The following SAP30BP variants were observed in gnomAD, a reference collection of about 807,000 sequenced individuals.
The protein encoded by SAP30BP is SAP30 binding protein.
SAP30BP carries 31 observed loss-of-function variants against 46.3 expected under a neutral mutation model. That is an observed-to-expected ratio of 0.67 (90% confidence interval 0.50 to 0.90). SAP30BP has a LOEUF of 0.90. Among genes scored for constraint, SAP30BP ranks in the 40% least tolerant of loss-of-function variants. SAP30BP has a pLI of 0.00. For synonymous variants in SAP30BP, 169 were observed against 144.2 expected, an observed-to-expected ratio of 1.17 and a Z score of -1.23; for missense variants, 312 against 391.0, an observed-to-expected ratio of 0.80 and a Z score of 1.70.
chr17:75,677,431 G>GA (rs2060008054), intron 3 of SAP30BP, among the ~76,000 whole-genome samples: 1 of 114,164 alleles, frequency 8.8e-6, no homozygotes, highest in Non-Finnish European at 1.9e-5. Context: ...AGTGAAACTG[G>GA]CTTTTTTTTT....
At chr17:75,696,752 G>A (rs1013678658) in intron 4 of SAP30BP, among the ~76,000 whole-genome samples, 4 of 145,954 alleles carry the variant, frequency 2.7e-5, no homozygotes, top group African/African-American at 7.4e-5. Context: ...GGACTGAGGA[G>A]GGGCTCCCCT....
intron 3 of SAP30BP, chr17:75,692,280 C>T: frequency 2.0e-6 from 2 of 985,524 alleles, no homozygotes; most frequent in South Asian, 4.7e-5. Context: ...GGAGCCGTGG[C>T]GTGGTGTGCC....
chr17:75,669,458 G>A (rs1054979497), intron 2 of SAP30BP, among the ~76,000 whole-genome samples: 1 of 151,964 alleles, frequency 6.6e-6, no homozygotes, highest in African/African-American at 2.4e-5. Flanking sequence ...GGCCATTCTG[G>A]TCTCTAACTC....
intron 9 of SAP30BP, chr17:75,705,150 C>T (rs533239335): frequency 2.1e-5 from 7 of 326,454 alleles, no homozygotes; most frequent in East Asian, 1.5e-4. Context: ...GAGTGCCAGG[C>T]CCAGCTTGCG....
At chr17:75,693,138 C>T (rs2060264311) in intron 3 of SAP30BP, 2 of 350,240 alleles carry the variant, frequency 5.7e-6, no homozygotes, top group South Asian at 6.8e-5. Context: ...TATACGTTGC[C>T]CAGTTGGCTG....
intron 6 of SAP30BP, 148 bp downstream of exon 6, chr17:75,702,719 G>A (rs942069048): frequency 2.2e-5 from 11 of 503,288 alleles, no homozygotes; most frequent in Admixed American, 6.7e-5. Flanking sequence ...TGGACATGGC[G>A]GACTGTGCTA....
chr17:75,669,709 A>C (rs2059881003), intron 2 of SAP30BP, among the ~76,000 whole-genome samples: 2 of 152,108 alleles, frequency 1.3e-5, no homozygotes, highest in Non-Finnish European at 2.9e-5. Context: ...TTCTTTCTTG[A>C]CATTTTATTT....
intron 6 of SAP30BP, chr17:75,702,968 G>A (rs1424238425): frequency 2.2e-5 from 8 of 371,602 alleles, no homozygotes; most frequent in East Asian, 4.6e-5. Flanking sequence ...TAGGACCAGA[G>A]CGATGTCTGG....
chr17:75,689,993 A>C (rs2060218447), intron 3 of SAP30BP, among the ~76,000 whole-genome samples: 6 of 152,186 alleles, frequency 3.9e-5, no homozygotes, highest in Admixed American at 3.3e-4. Context: ...AGGAATGAAA[A>C]ATTACCTACC....
At chr17:75,693,519 C>G (rs2060270267) in intron 4 of SAP30BP, 37 bp downstream of exon 4, 6 of 1,604,200 alleles carry the variant, frequency 3.7e-6, no homozygotes, top group Non-Finnish European at 5.1e-6. Flanking sequence ...CGTTTCTCAG[C>G]CTTGCTCCTA....
intron 4 of SAP30BP, among the ~76,000 whole-genome samples, chr17:75,698,000 T>G (rs975816165): frequency 3.9e-5 from 6 of 152,246 alleles, no homozygotes; most frequent in African/African-American, 1.4e-4. Context: ...TTTTGTTCAT[T>G]CTTTCTCTTC....
chr17:75,669,063 A>G (rs558216551), intron 2 of SAP30BP, among the ~76,000 whole-genome samples: 30 of 149,226 alleles, frequency 2.0e-4, no homozygotes, highest in African/African-American at 7.1e-4. Context: ...ATTCGTTTTC[A>G]CCTGCTTTTT....
chr17:75,707,028 C>G lies in SAP30BP; in HGVS notation c.*507C>G, dbSNP rs1392986650. ...CCTTGATCCCAAAACCCAGCCAGTT[C>G]TCGGGTGATGGTGGAGCTGTGCTCC... is the stretch of plus-strand genomic sequence containing the variant. On this transcript the variant is annotated 3_prime_UTR_variant, in exon 11 of 11. Coordinates refer to ENST00000584667, the MANE Select transcript of SAP30BP (RefSeq NM_013260.8). 1 of 169,654 alleles carries G rather than the reference C, an allele frequency of 5.9e-6. No homozygotes were observed. Among genetic ancestry groups the G allele is most frequent in the Non-Finnish European group, 1.3e-5 (1 of 77,082 alleles). The allele number at this position is 169,654 out of a possible 1,614,324, so 10.5% of individuals were successfully genotyped here.
rs66721865 is a variant in SAP30BP, at chr17:75,674,697, G to GTTTT, written c.264+2859_264+2862dup. 3.6e-4 allele frequency among the ~76,000 whole-genome samples: 22 copies of GTTTT among 61,550 alleles called. 2 individuals are homozygous for GTTTT. Among genetic ancestry groups the GTTTT allele is most frequent in the Non-Finnish European group, 6.4e-4 (19 of 29,852 alleles). The allele number at this position is 61,550 out of a possible 152,430, so 40.4% of individuals were successfully genotyped here. On this transcript the variant is annotated intron_variant, in intron 3 of 10. Transcript: ENST00000584667. The stretch of plus-strand genomic sequence containing the variant: ...TATGAAGTTTTTTTGTTTGTTTTTT[G>GTTTT]TTTTTTTTTTTTTTTTTTTTTTTTT...
chr17:75,674,661 T>A (rs893428940), intron 3 of SAP30BP, among the ~76,000 whole-genome samples: 17 of 151,424 alleles, frequency 1.1e-4, no homozygotes, highest in African/African-American at 3.2e-4. Context: ...TTGGACATTC[T>A]GCTTTAAGCA....
chr17:75,683,400 T>A (rs926903559), intron 3 of SAP30BP: 22 of 152,220 alleles, frequency 1.4e-4, no homozygotes, highest in East Asian at 1.9e-4. Context: ...GAGATTTTTT[T>A]AAAAACCCAT....
chr17:75,683,307 A>G (rs2060112075), intron 3 of SAP30BP, among the ~76,000 whole-genome samples: 1 of 151,746 alleles, frequency 6.6e-6, no homozygotes, highest in African/African-American at 2.4e-5. Context: ...TCAGCCTCCC[A>G]AAGTGCTGGG....
At position 75,706,168 on chromosome 17, in the gene SAP30BP, A is replaced by G. The variant is rs1184587703; in HGVS notation, c.745+76A>G. 1.9e-6 allele frequency: 3 copies of G among 1,572,524 alleles called. No homozygotes were observed. The highest frequency in any genetic ancestry group is 2.6e-6 in the Non-Finnish European group (3 of 1,161,108). ...TCCCTGGCTTGTTTGGGCGACAGAC[A>G]GCACGTGGATCTGGGCCTGGGCTCA... On this transcript the variant is annotated intron_variant, in intron 10 of 10. Transcript: ENST00000584667. The surrounding 1 kb of genome is among the most constrained non-coding windows in gnomAD (Gnocchi z 4.6).
In SAP30BP at chr17:75,692,314, G is replaced by A. The variant is rs114738366; in HGVS notation, c.265-1126G>A. The A allele has an allele frequency of 2.5e-3, 2,417 of 985,472 alleles. 29 individuals are homozygous for A. In the African/African-American group the frequency reaches 0.038, roughly 15 times the overall value. The allele number at this position is 985,472 out of a possible 1,614,324, so 61.0% of individuals were successfully genotyped here. On this transcript the variant is annotated intron_variant, in intron 3 of 10. Transcript: ENST00000584667. ...CCATGTCTGTGTAAGTGGAGCCTGC[G>A]GAGCTCTGCACCTGTCCTCGAAAAG... is the stretch of plus-strand genomic sequence containing the variant.
Sources: gnomAD v4.1 joint callset for allele counts (sites outside exome capture counted in the v4.1 genomes callset) on GRCh38, gnomAD v4.1.1 for gene constraint, Gnocchi (gnomAD v3.1) non-coding constraint, MANE v1.5 for transcripts, NCBI Gene and HGNC (gene_info 2026-07-23, HGNC 2026-07-21) for gene names.